Variants in PUM1 observed in about 807,000 individuals in gnomAD.
PUM1 encodes the protein pumilio RNA binding family member 1, also known as pumilio homolog 1.
A neutral mutation model predicts 131.8 loss-of-function variants in PUM1; 13 were observed. That is an observed-to-expected ratio of 0.10 (90% CI 0.06 to 0.16). The LOEUF is 0.16. Among genes scored for constraint, PUM1 ranks in the 10% least tolerant of loss-of-function variants. PUM1 has a pLI of 1.00. For missense variants in PUM1, 961 were observed against 1,512.4 expected, an observed-to-expected ratio of 0.64 and a Z score of 6.05; for synonymous variants, 509 against 556.5, an observed-to-expected ratio of 0.91 and a Z score of 1.20.
chr1:31,031,208 T>C (rs912858363), intron 2 of PUM1, among the ~76,000 whole-genome samples: 2 of 152,194 alleles, frequency 1.3e-5, no homozygotes, highest in Non-Finnish European at 2.9e-5. Flanking sequence ...TGACAAAGCA[T>C]GTAAATCAAA....
intron 7 of PUM1, among the ~76,000 whole-genome samples, chr1:30,983,160 A>G (rs1456512527): frequency 1.3e-5 from 2 of 152,242 alleles, no homozygotes; most frequent in Non-Finnish European, 2.9e-5. Flanking sequence ...CTGTTTTACT[A>G]AAGATGTGTC....
chr1:30,946,931 G>T (rs183388702), intron 17 of PUM1, among the ~76,000 whole-genome samples: 2 of 152,088 alleles, frequency 1.3e-5, no homozygotes, highest in East Asian at 3.9e-4. Flanking sequence ...CCAAACTAAA[G>T]AATTTCACAT....
intron 7 of PUM1, among the ~76,000 whole-genome samples, chr1:30,987,878 CA>C (rs1225739926): frequency 6.6e-6 from 1 of 152,168 alleles, no homozygotes; most frequent in East Asian, 1.9e-4. Context: ...GACATTATCA[CA>C]AACAGAAATC....
At chr1:30,993,906 C>A (rs1006409081) in intron 6 of PUM1, among the ~76,000 whole-genome samples, 1 of 152,036 alleles carries the variant, frequency 6.6e-6, no homozygotes, top group South Asian at 2.1e-4. Flanking sequence ...CCCATCTCTA[C>A]AAAAGATATA....
intron 1 of PUM1, chr1:31,061,575 G>C (rs1360079834): frequency 6.6e-6 from 1 of 151,700 alleles, no homozygotes; most frequent in African/African-American, 2.4e-5. Flanking sequence ...GCTCCAGCCG[G>C]GCGACAGAGC....
At chr1:31,010,971 A>G (rs1642589037) in intron 3 of PUM1, among the ~76,000 whole-genome samples, 1 of 152,158 alleles carries the variant, frequency 6.6e-6, no homozygotes, top group South Asian at 2.1e-4. Flanking sequence ...AGCAACCAAC[A>G]TAGCGAGACT....
chr1:31,044,264 G>A (rs979805869), intron 2 of PUM1, among the ~76,000 whole-genome samples: 2 of 152,096 alleles, frequency 1.3e-5, no homozygotes, highest in African/African-American at 4.8e-5. Context: ...AGCCAGGCGA[G>A]GTGGCGGGCG....
chr1:30,982,499 A>T (rs940480059), intron 7 of PUM1, among the ~76,000 whole-genome samples: 1 of 152,236 alleles, frequency 6.6e-6, no homozygotes, highest in Admixed American at 6.5e-5. Flanking sequence ...GACTGAAAGC[A>T]CTTACTGAAG....
intron 5 of PUM1, among the ~76,000 whole-genome samples, chr1:31,004,606 T>A (rs1370156418): frequency 1.3e-5 from 2 of 152,204 alleles, no homozygotes; most frequent in East Asian, 3.8e-4. Flanking sequence ...CTACTAAACC[T>A]GACCTAGGTC....
chr1:30,947,039 C>T (rs537722862), intron 17 of PUM1, among the ~76,000 whole-genome samples: 15 of 152,310 alleles, frequency 9.8e-5, no homozygotes, highest in Non-Finnish European at 2.1e-4. Context: ...ATACCTCTAA[C>T]CGTGTAACAT....
intron 21 of PUM1, among the ~76,000 whole-genome samples, chr1:30,934,199 G>A (rs1639101435): frequency 6.6e-6 from 1 of 152,104 alleles, no homozygotes; most frequent in South Asian, 2.1e-4. Flanking sequence ...TTCTTCTCTG[G>A]AAGCCCCTTT....
chr1:30,953,628 T>C, intron 15 of PUM1, 86 bp downstream of exon 15: 1 of 1,437,594 alleles, frequency 7.0e-7, no homozygotes, highest in East Asian at 2.3e-5. Context: ...TATATGGCAA[T>C]TTATTTAAGT....
intron 16 of PUM1, among the ~76,000 whole-genome samples, chr1:30,951,684 A>C (rs1342288159): frequency 6.6e-6 from 1 of 152,220 alleles, no homozygotes; most frequent in Non-Finnish European, 1.5e-5. Context: ...TAACAATCTC[A>C]TTCTTTCCAA....
chr1:30,944,196 C>G (rs910741767), intron 18 of PUM1, among the ~76,000 whole-genome samples: 1 of 152,088 alleles, frequency 6.6e-6, no homozygotes, highest in African/African-American at 2.4e-5. Context: ...ATTGAGCAAA[C>G]AGCAAAACCT....
At chr1:30,979,536 G>A (rs1641275393) in intron 9 of PUM1, among the ~76,000 whole-genome samples, 1 of 151,786 alleles carries the variant, frequency 6.6e-6, no homozygotes, top group Non-Finnish European at 1.5e-5. Context: ...CCGACTCCAA[G>A]TAAGTTGTAA....
chr1:30,990,208 C>T (rs765619198), intron 7 of PUM1, among the ~76,000 whole-genome samples: 2 of 152,206 alleles, frequency 1.3e-5, no homozygotes, highest in African/African-American at 4.8e-5. Flanking sequence ...GGAAAGTCCC[C>T]TGAAACCTTG....
intron 3 of PUM1, among the ~76,000 whole-genome samples, chr1:31,022,362 G>C (rs1261235896): frequency 6.6e-6 from 1 of 152,208 alleles, no homozygotes; most frequent in African/African-American, 2.4e-5. Flanking sequence ...ATTTAATGAA[G>C]ACAAAGTAAG....
intron 20 of PUM1, 53 bp from the exon 21 acceptor site, chr1:30,936,888 G>A: frequency 6.8e-7 from 1 of 1,460,378 alleles, no homozygotes; most frequent in Non-Finnish European, 9.4e-7. Flanking sequence ...CCCTGTTAGT[G>A]AGGCTGTGCT....
At chr1:30,974,829 AAAGTCTGAACTACTGAGGCTC>A in intron 9 of PUM1, 27 bp from the exon 10 acceptor site, 1 of 1,591,632 alleles carries the variant, frequency 6.3e-7, no homozygotes, top group Middle Eastern at 1.9e-4. Flanking sequence ...AAAGGTAAAG[AAAGTCTGAACTACTGAGGCTC>A]ATCTCAGCCT....
Sources: gnomAD v4.1 joint callset for allele counts (sites outside exome capture counted in the v4.1 genomes callset) on GRCh38, gnomAD v4.1.1 for gene constraint, MANE v1.5 for transcripts, NCBI Gene and HGNC (gene_info 2026-07-23, HGNC 2026-07-21) for gene names.